The following SLC35E1 variants were observed in gnomAD, a reference collection of about 807,000 sequenced individuals.
The protein encoded by SLC35E1 is solute carrier family 35 member E1.
A neutral mutation model predicts 31.0 loss-of-function variants in SLC35E1; 12 were observed. The observed-to-expected ratio is 0.39, with a 90% CI of 0.25 to 0.63. The LOEUF (loss-of-function observed/expected upper bound fraction) is 0.63. Among genes scored for constraint, SLC35E1 ranks in the 20% least tolerant of loss-of-function variants. SLC35E1 has a pLI of 0.52. For synonymous variants in SLC35E1, 257 were observed against 264.1 expected (o/e 0.97, Z 0.26); for missense variants, 429 against 572.2 (o/e 0.75, Z 2.55).
rs372635795 is a variant in SLC35E1, at chr19:16,568,029, T to C, written c.630+3A>G. 3.7e-6 allele frequency: 6 copies of C among 1,608,022 alleles called. No individual in the cohort carries two copies. Among genetic ancestry groups the C allele is most frequent in the Non-Finnish European group, 5.1e-6 (6 of 1,176,766 alleles). ...TGCATGTCCGCTGATGGTGACCAAA[T>C]ACCTTTTTGGAGAAAATGTTCTGAA... On this transcript the variant is annotated splice_donor_region_variant and intron_variant, in intron 3 of 5. Coordinates refer to ENST00000595753, the MANE Select transcript of SLC35E1 (RefSeq NM_024881.5).
intron 4 of SLC35E1, among the ~76,000 whole-genome samples, chr19:16,563,326 A>C (rs2085916472): frequency 6.6e-6 from 1 of 151,906 alleles, no homozygotes; most frequent in East Asian, 1.9e-4. Context: ...CGTCTCAAAA[A>C]ATAAAATAAA....
In SLC35E1 at chr19:16,555,605, G is replaced by A. The variant is rs1054060160; in HGVS notation, c.757-208C>T. The A allele has an allele frequency of 3.3e-5, 20 of 602,944 alleles. No homozygotes were observed. The highest frequency in any genetic ancestry group is 4.8e-5 in the Non-Finnish European group (17 of 354,736). 37.3% of individuals were successfully genotyped at this position (602,944 alleles called of 1,614,324 possible). On this transcript the variant is annotated intron_variant, in intron 4 of 5. Transcript: ENST00000595753. This position sits in a 1 kb window ranked among gnomAD's most constrained non-coding sequence, Gnocchi z 4.1. ...GAACCTCATGACACCACACAGCATGGGAATCACCCGCCGTCTCCTGCCAAG... is the reference window on the plus strand; with the variant it reads ...GAACCTCATGACACCACACAGCATGAGAATCACCCGCCGTCTCCTGCCAAG...
Position 16,553,842 on chromosome 19 carries a change from C to A in SLC35E1, c.1070G>T (p.Ser357Ile). Residue 357 changes from serine (S) to isoleucine (I), a missense_variant, in exon 6 of 6, where the codon AGC becomes ATC. Ser to Ile is a moderately radical substitution (Grantham distance 142). Transcript: ENST00000595753. ...LLPVTTADLS[S>I]KERHRSPLEK... is the part of the protein sequence containing the mutation. ...CAGTGGGCTCCGGTGACGCTCCTTG[C>A]TGCTCAGGTCTGCTGTGGTGACGGG... 1 of 1,613,930 alleles carries A rather than the reference C, an allele frequency of 6.2e-7. No homozygotes were observed.
intron 4 of SLC35E1, among the ~76,000 whole-genome samples, chr19:16,563,897 G>A (rs531553752): frequency 1.3e-5 from 2 of 152,328 alleles, no homozygotes; most frequent in South Asian, 2.1e-4. Flanking sequence ...TGAATAACGG[G>A]TAGAATAAGC....
chr19:16,564,587 G>A (rs1196588865), intron 4 of SLC35E1, among the ~76,000 whole-genome samples: 1 of 151,976 alleles, frequency 6.6e-6, no homozygotes. Context: ...ATTACAGGCT[G>A]GAGCCACTGC....
In SLC35E1 at chr19:16,553,452, G is replaced by A. The variant is rs1224377313; in HGVS notation, c.*227C>T. On this transcript the variant is annotated 3_prime_UTR_variant, in exon 6 of 6. Transcript: ENST00000595753. ...GACAGACTCCAGGAAGAAAGAGCAT[G>A]AGACACTGGTCTCTGTTTAGGTTTG... is the stretch of plus-strand genomic sequence containing the variant. 4 of 373,364 alleles carry A rather than the reference G, an allele frequency of 1.1e-5. No homozygotes were observed. The East Asian group carries it at 1.6e-4, about 15-fold the overall frequency. 23.1% of individuals were successfully genotyped at this position (373,364 alleles called of 1,614,324 possible).
intron 2 of SLC35E1, among the ~76,000 whole-genome samples, chr19:16,568,687 C>T (rs572846384): frequency 5.9e-5 from 9 of 152,306 alleles, no homozygotes; most frequent in African/African-American, 1.9e-4. Context: ...TGTGCCACCA[C>T]GCCCGGCCAA....
At chr19:16,556,919 T>C (rs1351599449) in intron 4 of SLC35E1, 2 of 471,588 alleles carry the variant, frequency 4.2e-6, no homozygotes, top group East Asian at 1.4e-4. Context: ...GCAAATCCAT[T>C]TACCTGTGCC....
In SLC35E1 at chr19:16,551,490, C is replaced by T. The variant is rs1248981722; in HGVS notation, c.*2189G>A. ...TTCCTCTCTGAACAGGGAAACATCT[C>T]GCTCGCTGGGAGATAAAAGGTAAAT... On this transcript the variant is annotated 3_prime_UTR_variant, in exon 6 of 6. Transcript: ENST00000595753. The T allele has an allele frequency of 6.6e-5, 10 of 152,136 alleles. No homozygotes were observed. Among genetic ancestry groups the T allele is most frequent in the Non-Finnish European group, 4.4e-5 (3 of 68,030 alleles). The allele number at this position is 152,136 out of a possible 1,614,324, so 9.4% of individuals were successfully genotyped here. A position where few individuals can be genotyped will look rare whatever the true frequency, so the allele number is the denominator to read the frequency against.
Position 16,557,131 on chromosome 19 carries a change from T to C in SLC35E1, c.757-1734A>G, listed in dbSNP as rs138893403. On this transcript the variant is annotated intron_variant, in intron 4 of 5. Transcript: ENST00000595753. ...TGGGAAGGGAACCCAACCAATCTGG[T>C]TTAAAACAAAAAAAAAGATACATAA... The C allele has an allele frequency of 2.0e-5, 7 of 352,214 alleles. No individual in the cohort carries two copies. The East Asian group carries it at 3.0e-4, about 15-fold the overall frequency. The allele number at this position is 352,214 out of a possible 1,614,324, so 21.8% of individuals were successfully genotyped here. A position where few individuals can be genotyped will look rare whatever the true frequency, so the allele number is the denominator to read the frequency against.
chr19:16,571,464 G>A, intron 2 of SLC35E1, 48 bp downstream of exon 2: 1 of 1,599,044 alleles, frequency 6.3e-7, no homozygotes, highest in Admixed American at 1.7e-5. Flanking sequence ...GCAACAGGGA[G>A]GAACCCCCTG....
At chr19:16,554,388 C>G (rs557194370) in intron 5 of SLC35E1, among the ~76,000 whole-genome samples, 20 of 151,622 alleles carry the variant, frequency 1.3e-4, no homozygotes, top group Non-Finnish European at 2.4e-4. Flanking sequence ...ACTCAGAAGA[C>G]AAGTCCTTGG....
At chr19:16,566,784 G>GC in intron 3 of SLC35E1, 127 bp from the exon 4 acceptor site, 1 of 1,160,564 alleles carries the variant, frequency 8.6e-7, no homozygotes, top group African/African-American at 1.5e-5. Flanking sequence ...CACCAAACCT[G>GC]CAAGTGCATT....
intron 2 of SLC35E1, 62 bp downstream of exon 2, chr19:16,571,450 G>A (rs62116871): frequency 0.099 from 154,304 of 1,564,588 alleles, 10,090 homozygotes; most frequent in African/African-American, 0.33. Context: ...CACGTCACCA[G>A]TTGGCAACAG....
At position 16,553,787 on chromosome 19, in the gene SLC35E1, G is replaced by A. The variant is rs779023686; in HGVS notation, c.1125C>T (p.Pro375=). 3 of 1,613,964 alleles carry A rather than the reference G, an allele frequency of 1.9e-6. No homozygotes were observed. Among genetic ancestry groups the A allele is most frequent in the Non-Finnish European group, 2.5e-6 (3 of 1,179,912 alleles). ...LEKPHNGLLF[P]QHGDYQYGRN... ...GGCCGTACTGATAGTCCCCGTGCTG[G>A]GGGAAGAGGAGGCCGTTGTGGGGCT... Residue 375 remains proline, a synonymous_variant, in exon 6 of 6, where the codon CCC becomes CCT. Coordinates refer to ENST00000595753, the MANE Select transcript of SLC35E1 (RefSeq NM_024881.5).
In SLC35E1 at chr19:16,553,657, G is replaced by C. The variant is rs373918690; in HGVS notation, c.*22C>G. The C allele has an allele frequency of 2.3e-4, 341 of 1,463,326 alleles. 2 individuals carry two copies. The South Asian group carries it at 3.2e-3, about 14-fold the overall frequency. 90.6% of individuals were successfully genotyped at this position (1,463,326 alleles called of 1,614,324 possible). ...GGGGCCGGGGAAGGAGTCACCAACA[G>C]TCTGGTCCTGTCCTTTGGACTCTAC... On this transcript the variant is annotated 3_prime_UTR_variant, in exon 6 of 6. Coordinates refer to ENST00000595753, the MANE Select transcript of SLC35E1 (RefSeq NM_024881.5).
intron 4 of SLC35E1, among the ~76,000 whole-genome samples, chr19:16,558,341 G>T (rs1276511130): frequency 1.3e-5 from 2 of 149,364 alleles, no homozygotes; most frequent in South Asian, 4.2e-4. Context: ...ACCACACCCG[G>T]CCTATTTTTT....
At chr19:16,565,864 C>T (rs2085929903) in intron 4 of SLC35E1, 1 of 111,996 alleles carries the variant, frequency 8.9e-6, no homozygotes, top group Non-Finnish European at 1.7e-5. Flanking sequence ...TTTCAAAGTT[C>T]CAGGGCTGGC....
chr19:16,569,696 A>G (rs948839669), intron 2 of SLC35E1, among the ~76,000 whole-genome samples: 2 of 152,208 alleles, frequency 1.3e-5, no homozygotes, highest in African/African-American at 4.8e-5. Flanking sequence ...AAATACAAAA[A>G]TTAGCCAGGA....
Sources: gnomAD v4.1 joint callset for allele counts (sites outside exome capture counted in the v4.1 genomes callset) on GRCh38, gnomAD v4.1.1 for gene constraint, Gnocchi (gnomAD v3.1) non-coding constraint, MANE v1.5 for transcripts, NCBI Gene and HGNC (gene_info 2026-07-23, HGNC 2026-07-21) for gene names.